HEMK2: variants seen among roughly 807,000 people sequenced by gnomAD.
The protein encoded by HEMK2 is methyltransferase HEMK2.
chr21:28,706,927 G>GTGAT, the HEMK2 span, among the ~76,000 whole-genome samples: 1 of 35,286 alleles, frequency 2.8e-5, no homozygotes, highest in African/African-American at 7.3e-4. Flanking sequence ...ATATACTCTG[G>GTGAT]TGAATGAAAT....
chr21:28,838,549 A>G, the HEMK2 span, among the ~76,000 whole-genome samples: 1 of 121,382 alleles, frequency 8.2e-6, no homozygotes, highest in Non-Finnish European at 1.6e-5. Flanking sequence ...AAAAAAAAAA[A>G]GGAAGAAAGA....
the HEMK2 span, chr21:28,872,523 C>T: frequency 6.6e-6 from 1 of 152,256 alleles, no homozygotes; most frequent in Admixed American, 6.5e-5. Flanking sequence ...TTTGCCTAGG[C>T]TTGTGCCTGT....
At chr21:28,838,972 A>AATATATAT in the HEMK2 span, among the ~76,000 whole-genome samples, 36 of 29,112 alleles carry the variant, frequency 1.2e-3, no homozygotes, top group South Asian at 3.0e-3. Context: ...AAAAAAAAAA[A>AATATATAT]ATATATATAT....
At chr21:28,624,313 C>A in the HEMK2 span, among the ~76,000 whole-genome samples, 4 of 152,190 alleles carry the variant, frequency 2.6e-5, no homozygotes, top group African/African-American at 9.6e-5. Context: ...GTAGCCTCTC[C>A]TCTCCATTGA....
chr21:28,639,166 T>G, the HEMK2 span, among the ~76,000 whole-genome samples: 2 of 152,176 alleles, frequency 1.3e-5, no homozygotes, highest in Non-Finnish European at 2.9e-5. Context: ...TTAAGAAACC[T>G]TCATGGATAA....
At chr21:28,822,472 G>C in the HEMK2 span, among the ~76,000 whole-genome samples, 3 of 151,642 alleles carry the variant, frequency 2.0e-5, no homozygotes, top group South Asian at 6.3e-4. Context: ...GAGACCAATT[G>C]CAACAAAAAA....
the HEMK2 span, among the ~76,000 whole-genome samples, chr21:28,582,961 T>C: frequency 6.6e-6 from 1 of 152,184 alleles, no homozygotes; most frequent in African/African-American, 2.4e-5. Flanking sequence ...ATGGGTGTCA[T>C]TGAAAGAGAA....
the HEMK2 span, among the ~76,000 whole-genome samples, chr21:28,877,489 A>G: frequency 1.0e-3 from 151 of 151,440 alleles, no homozygotes; most frequent in Non-Finnish European, 1.7e-3. Context: ...AGAAAGAGAA[A>G]GAAAAAGAGA....
At chr21:28,882,971 T>A in the HEMK2 span, 1 of 1,521,074 alleles carries the variant, frequency 6.6e-7, no homozygotes, top group Non-Finnish European at 9.0e-7. Flanking sequence ...TCTAGATGAA[T>A]ATGATATACT....
At chr21:28,620,214 T>C in the HEMK2 span, among the ~76,000 whole-genome samples, 13,719 of 152,170 alleles carry the variant, frequency 0.09, 934 homozygotes, top group East Asian at 0.34. Context: ...ATCAGGGATA[T>C]TGGCCTGAAA....
At chr21:28,754,797 G>A in the HEMK2 span, among the ~76,000 whole-genome samples, 1 of 152,118 alleles carries the variant, frequency 6.6e-6, no homozygotes, top group Non-Finnish European at 1.5e-5. Context: ...GGACTATAAG[G>A]TCAAATAAAA....
chr21:28,790,437 T>C, the HEMK2 span, among the ~76,000 whole-genome samples: 1 of 152,212 alleles, frequency 6.6e-6, no homozygotes, highest in East Asian at 1.9e-4. Context: ...CCACAGAGAG[T>C]ACCAAAGTTC....
At chr21:28,885,340 T>G in the HEMK2 span, 7 of 1,569,886 alleles carry the variant, frequency 4.5e-6, no homozygotes, top group African/African-American at 2.7e-5. Context: ...AGTTCTCCCC[T>G]GCCATAGTCC....
chr21:28,682,785 A>G, the HEMK2 span, among the ~76,000 whole-genome samples: 1 of 152,154 alleles, frequency 6.6e-6, no homozygotes, highest in African/African-American at 2.4e-5. Context: ...CATCATTCTC[A>G]GCAAACTATC....
the HEMK2 span, among the ~76,000 whole-genome samples, chr21:28,860,185 C>T: frequency 1.9e-3 from 293 of 152,052 alleles, 4 homozygotes; most frequent in African/African-American, 6.8e-3. Flanking sequence ...AAAGGTAGAC[C>T]CACCCTTAAT....
chr21:28,749,984 T>C, the HEMK2 span, among the ~76,000 whole-genome samples: 35 of 152,350 alleles, frequency 2.3e-4, 1 homozygote, highest in Admixed American at 1.9e-3. Context: ...TGTTTTGTCA[T>C]TGCTATTTTC....
chr21:28,661,669 C>G, the HEMK2 span, among the ~76,000 whole-genome samples: 1 of 152,038 alleles, frequency 6.6e-6, no homozygotes, highest in Non-Finnish European at 1.5e-5. Context: ...TTCCCCTCCA[C>G]CTTAAGAACT....
the HEMK2 span, among the ~76,000 whole-genome samples, chr21:28,796,428 C>A: frequency 6.6e-6 from 1 of 152,210 alleles, no homozygotes; most frequent in African/African-American, 2.4e-5. Flanking sequence ...GCGTGAGCCA[C>A]GACACCCAGC....
chr21:28,762,498 T>C, the HEMK2 span, among the ~76,000 whole-genome samples: 6 of 152,120 alleles, frequency 3.9e-5, no homozygotes, highest in African/African-American at 9.7e-5. Flanking sequence ...TCACTGAATG[T>C]GAAAAATTAA....
Sources: gnomAD v4.1 joint callset for allele counts (sites outside exome capture counted in the v4.1 genomes callset) on GRCh38, gnomAD v4.1.1 for gene constraint, MANE v1.5 for transcripts, NCBI Gene and HGNC (gene_info 2026-07-23, HGNC 2026-07-21) for gene names.